The following GMDS variants were observed in gnomAD, a reference collection of about 807,000 sequenced individuals.
GMDS encodes the protein GDP-mannose 4,6-dehydratase.
A neutral mutation model predicts 49.9 loss-of-function variants in GMDS; 20 were observed. The observed-to-expected ratio is 0.40, with a 90% CI of 0.28 to 0.58. The LOEUF is 0.58. Among genes scored for constraint, GMDS ranks in the 20% least tolerant of loss-of-function variants. The pLI is 0.42. For synonymous variants in GMDS, 177 were observed against 178.6 expected, an observed-to-expected ratio of 0.99 and a Z score of 0.07; for missense variants, 362 against 481.4, an observed-to-expected ratio of 0.75 and a Z score of 2.32.
intron 4 of GMDS, among the ~76,000 whole-genome samples, chr6:2,063,708 A>G (rs1266512436): frequency 6.6e-6 from 1 of 152,180 alleles, no homozygotes; most frequent in Non-Finnish European, 1.5e-5. Context: ...CACAATCTAG[A>G]GGGAACAAAG....
chr6:1,636,761 C>T (rs1245089749), intron 9 of GMDS, among the ~76,000 whole-genome samples: 3 of 152,240 alleles, frequency 2.0e-5, no homozygotes, highest in Non-Finnish European at 4.4e-5. Flanking sequence ...TTGATTCTTA[C>T]CCGTACCAGT....
chr6:1,659,580 GC>G (rs1423227113), intron 9 of GMDS, among the ~76,000 whole-genome samples: 1 of 152,190 alleles, frequency 6.6e-6, no homozygotes, highest in Non-Finnish European at 1.5e-5. Context: ...AAGGTTGGCA[GC>G]TGGGTGATAG....
At chr6:2,034,309 A>G (rs531244428) in intron 4 of GMDS, among the ~76,000 whole-genome samples, 1 of 152,304 alleles carries the variant, frequency 6.6e-6, no homozygotes, top group East Asian at 1.9e-4. Flanking sequence ...AAAAAAGATT[A>G]CATACTGTAT....
Position 1,889,412 on chromosome 6 carries a change from G to C in GMDS, c.771+40691C>G, listed in dbSNP as rs181908602. 1.7e-4 allele frequency among the ~76,000 whole-genome samples: 26 copies of C among 152,092 alleles called. No homozygotes were observed. The East Asian group carries it at 4.1e-3, about 24-fold the overall frequency. On this transcript the variant is annotated intron_variant, in intron 7 of 10. Coordinates refer to ENST00000380815, the MANE Select transcript of GMDS (RefSeq NM_001500.4). ...ACCTTCTTCTTGGTCCTTAAAAAAA[G>C]AGCCGTGCTCCCAGGTTCTGCATTC...
chr6:2,058,184 C>G (rs1383208646), intron 4 of GMDS, among the ~76,000 whole-genome samples: 1 of 151,920 alleles, frequency 6.6e-6, no homozygotes, highest in Admixed American at 6.6e-5. Context: ...ATGATGAAAC[C>G]CTGTCTCCAC....
At chr6:1,695,022 T>C (rs1167390272) in intron 9 of GMDS, among the ~76,000 whole-genome samples, 1 of 152,146 alleles carries the variant, frequency 6.6e-6, no homozygotes, top group Non-Finnish European at 1.5e-5. Context: ...TCTGTATCTC[T>C]TCAGTGTAAA....
chr6:2,078,122 G>A (rs1772455454), intron 4 of GMDS, among the ~76,000 whole-genome samples: 1 of 151,938 alleles, frequency 6.6e-6, no homozygotes, highest in Admixed American at 6.6e-5. Context: ...GGTATCAGAT[G>A]TAATTTCTTT....
At chr6:2,130,049 G>C (rs1562082581) in intron 1 of GMDS, among the ~76,000 whole-genome samples, 1 of 152,126 alleles carries the variant, frequency 6.6e-6, no homozygotes, top group Non-Finnish European at 1.5e-5. Context: ...ATGAAAACCA[G>C]GTCTCTGGAC....
At chr6:1,790,569 G>C (rs1467841713) in intron 7 of GMDS, among the ~76,000 whole-genome samples, 1 of 152,178 alleles carries the variant, frequency 6.6e-6, no homozygotes, top group Admixed American at 6.5e-5. Flanking sequence ...AATTTTACAT[G>C]AAGTTTCCAA....
intron 4 of GMDS, among the ~76,000 whole-genome samples, chr6:2,034,592 G>A (rs754827894): frequency 1.3e-5 from 2 of 152,156 alleles, no homozygotes; most frequent in African/African-American, 4.8e-5. Flanking sequence ...ATTAAAAAAC[G>A]TAACATTCCT....
intron 1 of GMDS, among the ~76,000 whole-genome samples, chr6:2,170,967 C>T (rs1777976008): frequency 1.3e-5 from 2 of 152,008 alleles, no homozygotes; most frequent in South Asian, 2.1e-4. Context: ...TGCACTCCAG[C>T]CTGGGCAAAA....
At chr6:2,031,922 C>T (rs1238590989) in intron 4 of GMDS, among the ~76,000 whole-genome samples, 2 of 152,188 alleles carry the variant, frequency 1.3e-5, no homozygotes, top group Non-Finnish European at 1.5e-5. Context: ...ATACAATTAA[C>T]ATTTTAGTGA....
chr6:1,863,137 G>A (rs768922160), intron 7 of GMDS, among the ~76,000 whole-genome samples: 2 of 152,016 alleles, frequency 1.3e-5, no homozygotes, highest in Non-Finnish European at 2.9e-5. Flanking sequence ...CTGTTGCATC[G>A]ATGGTTTTTA....
At chr6:2,120,255 T>C (rs1775067320) in intron 2 of GMDS, among the ~76,000 whole-genome samples, 1 of 152,152 alleles carries the variant, frequency 6.6e-6, no homozygotes, top group Admixed American at 6.5e-5. Context: ...ATAACACAGC[T>C]AGTAAGTGGC....
At position 2,037,732 on chromosome 6, in the gene GMDS, C is replaced by T. The variant is rs1224862661; in HGVS notation, c.346-76766G>A. On this transcript the variant is annotated intron_variant, in intron 4 of 10. Coordinates refer to ENST00000380815, the MANE Select transcript of GMDS (RefSeq NM_001500.4). ...AGTGGTTGCTTGGGATTTGGTTCTG[C>T]TGCTCTCTAGTGTTTACAACCGCTC... 2.6e-5 allele frequency among the ~76,000 whole-genome samples: 4 copies of T among 152,116 alleles called. No individual in the cohort carries two copies. In the East Asian group the frequency reaches 7.7e-4, roughly 29 times the overall value.
intron 1 of GMDS, among the ~76,000 whole-genome samples, chr6:2,141,716 G>T (rs1468649402): frequency 1.3e-5 from 2 of 152,216 alleles, no homozygotes; most frequent in Admixed American, 6.5e-5. Context: ...GACCAGGTAG[G>T]CTGGAAGCCA....
chr6:1,988,371 T>C (rs1010419952), intron 4 of GMDS, among the ~76,000 whole-genome samples: 1 of 150,020 alleles, frequency 6.7e-6, no homozygotes, highest in Non-Finnish European at 1.5e-5. Flanking sequence ...AAAAAAAGAA[T>C]GTGATAATAT....
intron 4 of GMDS, among the ~76,000 whole-genome samples, chr6:2,016,099 A>C (rs1288120742): frequency 6.6e-6 from 1 of 150,592 alleles, no homozygotes; most frequent in Non-Finnish European, 1.5e-5. Context: ...AAAAAAAAAA[A>C]AACAGAAAAA....
At chr6:1,854,244 A>G (rs760325654) in intron 7 of GMDS, among the ~76,000 whole-genome samples, 1 of 152,228 alleles carries the variant, frequency 6.6e-6, no homozygotes, top group African/African-American at 2.4e-5. Flanking sequence ...AAGATGGATT[A>G]TGAGTCTGTG....
Sources: gnomAD v4.1 joint callset for allele counts (sites outside exome capture counted in the v4.1 genomes callset) on GRCh38, gnomAD v4.1.1 for gene constraint, MANE v1.5 for transcripts, NCBI Gene and HGNC (gene_info 2026-07-23, HGNC 2026-07-21) for gene names.